Variants in CNOT6 observed in about 807,000 individuals in gnomAD.
CNOT6 encodes the protein CCR4-NOT transcription complex subunit 6.
Under a neutral mutation model 61.2 loss-of-function variants are expected in CNOT6, and 12 were observed. The ratio of observed to expected loss-of-function variants is 0.20; its 90% confidence interval spans 0.13 to 0.32. The LOEUF (loss-of-function observed/expected upper bound fraction) is 0.32, where lower values mean the gene tolerates loss of function less well. Ranked by LOEUF, CNOT6 falls within the 10% of genes least tolerant of loss-of-function variation. The pLI, the probability that CNOT6 is intolerant of heterozygous loss-of-function variation, is 1.00. For synonymous variants in CNOT6, 225 were observed against 240.6 expected, an observed-to-expected ratio of 0.94 and a Z score of 0.60; for missense variants, 405 against 663.9, an observed-to-expected ratio of 0.61 and a Z score of 4.28.
intron 4 of CNOT6, among the ~76,000 whole-genome samples, chr5:180,560,670 A>G (rs943095485): frequency 1.3e-5 from 2 of 152,020 alleles, no homozygotes; most frequent in African/African-American, 2.4e-5. Context: ...TTTAGTTTTC[A>G]GAAGTTTAAT....
intron 2 of CNOT6, among the ~76,000 whole-genome samples, chr5:180,530,485 C>A (rs897922428): frequency 1.3e-5 from 2 of 151,704 alleles, no homozygotes; most frequent in Non-Finnish European, 2.9e-5. Flanking sequence ...GTTGAGTAAA[C>A]TTAAATGCCT....
intron 1 of CNOT6, among the ~76,000 whole-genome samples, chr5:180,525,239 C>A (rs1021038733): frequency 9.2e-5 from 14 of 152,076 alleles, no homozygotes; most frequent in Non-Finnish European, 2.1e-4. Context: ...AAACCCATTT[C>A]TATGTTTGAA....
rs1399323449 is a variant in CNOT6 at position 180,529,515 on chromosome 5, A to C, written c.112+127A>C. 3 of 658,500 alleles carry C rather than the reference A, an allele frequency of 4.6e-6. No individual in the cohort carries two copies. In the East Asian group the frequency reaches 8.5e-5, roughly 19 times the overall value. 40.8% of individuals were successfully genotyped at this position (658,500 alleles called of 1,614,324 possible). A position where few individuals can be genotyped will look rare whatever the true frequency, so the allele number is the denominator to read the frequency against. The stretch of plus-strand genomic sequence containing the variant: ...TACAAATGTAATGTATTTATAAATG[A>C]TTGTATTTTAGTAACTTATCTTAGA... On this transcript the variant is annotated intron_variant, in intron 2 of 11. Coordinates refer to ENST00000261951, the MANE Select transcript of CNOT6 (RefSeq NM_001370472.1).
At chr5:180,573,454 C>T (rs1581579353) in intron 11 of CNOT6, among the ~76,000 whole-genome samples, 2 of 151,828 alleles carry the variant, frequency 1.3e-5, no homozygotes, top group Admixed American at 1.3e-4. Flanking sequence ...TCAGGAAGGT[C>T]TTTGGAAAGC....
At chr5:180,498,519 G>A (rs1186721601) in intron 1 of CNOT6, among the ~76,000 whole-genome samples, 1 of 152,114 alleles carries the variant, frequency 6.6e-6, no homozygotes, top group African/African-American at 2.4e-5. Flanking sequence ...GGTGCACTGA[G>A]GTGTCAAGTG....
Position 180,571,460 on chromosome 5 carries a change from A to G in CNOT6, c.1461+28A>G, listed in dbSNP as rs771688845. 1.9e-6 allele frequency: 3 copies of G among 1,553,222 alleles called. No homozygotes were observed. In the African/African-American group the frequency reaches 4.1e-5, roughly 21 times the overall value. Reference sequence around the variant, plus strand: ...GTGTCTTGAGACTGATAAGCTTTTCAAACCTGTCTTTTACTGGCAGGTGTT... The same window carrying G: ...GTGTCTTGAGACTGATAAGCTTTTCGAACCTGTCTTTTACTGGCAGGTGTT... On this transcript the variant is annotated intron_variant, in intron 11 of 11. Transcript: ENST00000261951.
chr5:180,497,561 G>C (rs1756669864), intron 1 of CNOT6, among the ~76,000 whole-genome samples: 1 of 152,070 alleles, frequency 6.6e-6, no homozygotes, highest in Non-Finnish European at 1.5e-5. Flanking sequence ...CATATGCAAG[G>C]TCCACTGGCT....
At chr5:180,564,874 TAAAA>T in intron 6 of CNOT6, 131 bp downstream of exon 6, 1 of 684,444 alleles carries the variant, frequency 1.5e-6, no homozygotes, top group Non-Finnish European at 2.5e-6. Flanking sequence ...TGGGAGGTAA[TAAAA>T]AAGAATTCTT....
chr5:180,557,638 C>A (rs1353775181), intron 4 of CNOT6, among the ~76,000 whole-genome samples: 3 of 152,040 alleles, frequency 2.0e-5, no homozygotes, highest in Non-Finnish European at 4.4e-5. Flanking sequence ...ATGTGGTTTA[C>A]ACATATTTCT....
chr5:180,531,812 G>A (rs962407636), intron 2 of CNOT6, among the ~76,000 whole-genome samples: 9 of 152,224 alleles, frequency 5.9e-5, no homozygotes, highest in Non-Finnish European at 1.2e-4. Flanking sequence ...GCGAAACCCC[G>A]TCTCCACCAA....
At chr5:180,504,473 A>G (rs2127694776) in intron 1 of CNOT6, among the ~76,000 whole-genome samples, 1 of 151,930 alleles carries the variant, frequency 6.6e-6, no homozygotes, top group African/African-American at 2.4e-5. Flanking sequence ...AGATAGTAGT[A>G]CTTAGAATAT....
rs576708817 is a variant in CNOT6, at chr5:180,567,140, G to T, written c.770G>T (p.Arg257Leu). The T allele has an allele frequency of 6.2e-7, 1 of 1,613,648 alleles. No individual in the cohort carries two copies. Among genetic ancestry groups the T allele is most frequent in the East Asian group, 2.2e-5 (1 of 44,860 alleles). The change falls in exon 8 of 12, where the codon CGT becomes CTT. Residue 257 changes from arginine to leucine, a missense_variant. Arg to Leu is a moderately radical substitution (Grantham distance 102). Around this residue, in one of 5 missense-constraint regions of CNOT6, gnomAD observed 212 missense variants for 307.1 expected, o/e 0.69. Coordinates refer to ENST00000261951, the MANE Select transcript of CNOT6 (RefSeq NM_001370472.1). The part of the protein sequence containing the change: ...YSFFLVELKE[R>L]GYNGFFSPKS... ...TTTTTTCTGGTAGAGCTGAAAGAAC[G>T]TGGCTATAATGGATTCTTCAGTCCT...
chr5:180,550,311 C>A (rs998812082), intron 3 of CNOT6, among the ~76,000 whole-genome samples, 194 bp downstream of exon 3: 1 of 151,886 alleles, frequency 6.6e-6, no homozygotes, highest in Non-Finnish European at 1.5e-5. Flanking sequence ...ATTAGCCAGG[C>A]GTGGTGGCGG....
At chr5:180,522,478 A>T (rs981449164) in intron 1 of CNOT6, among the ~76,000 whole-genome samples, 1 of 152,168 alleles carries the variant, frequency 6.6e-6, no homozygotes, top group Admixed American at 6.5e-5. Context: ...AACTAATTAC[A>T]TTCCCACCAG....
intron 6 of CNOT6, among the ~76,000 whole-genome samples, chr5:180,565,050 A>G (rs1003022041): frequency 1.3e-5 from 2 of 152,242 alleles, no homozygotes; most frequent in African/African-American, 4.8e-5. Flanking sequence ...CGTCTGGTGG[A>G]TGGAGGCCAG....
intron 1 of CNOT6, among the ~76,000 whole-genome samples, chr5:180,518,504 T>TGG (rs893981431): frequency 6.8e-6 from 1 of 147,946 alleles, no homozygotes; most frequent in African/African-American, 2.5e-5. Flanking sequence ...TTTGTGTGTG[T>TGG]GGGGGGGAGG....
rs1359179913 is a variant in CNOT6 at position 180,571,087 on chromosome 5, AT to A, written c.1259-140del. The A allele has an allele frequency of 1.6e-5, 10 of 628,978 alleles. No homozygotes were observed. In the East Asian group the frequency reaches 2.7e-4, roughly 17 times the overall value. The allele number at this position is 628,978 out of a possible 1,614,324, so 39.0% of individuals were successfully genotyped here. A position where few individuals can be genotyped will look rare whatever the true frequency, so the allele number is the denominator to read the frequency against. On this transcript the variant is annotated intron_variant, in intron 10 of 11. Coordinates refer to ENST00000261951, the MANE Select transcript of CNOT6 (RefSeq NM_001370472.1). ...TGTGATGACAACTGTGTAAAAATAGATTTGGGCAAGTCCTGGCAAATGTAAA... is the reference window on the plus strand; with the variant it reads ...TGTGATGACAACTGTGTAAAAATAGATTGGGCAAGTCCTGGCAAATGTAAA...
rs528621913 is a variant in CNOT6, at chr5:180,571,225, T to C, written c.1259-5T>C. The C allele has an allele frequency of 7.1e-5, 114 of 1,605,900 alleles. No individual in the cohort carries two copies. Among genetic ancestry groups the C allele is most frequent in the Non-Finnish European group, 9.1e-5 (107 of 1,174,132 alleles). Reference sequence around the variant, plus strand: ...TGACAATAAAAAAATTTGTCTTCATTGTAGGTGTTGTAGAATATTTGAGCA... The same window carrying C: ...TGACAATAAAAAAATTTGTCTTCATCGTAGGTGTTGTAGAATATTTGAGCA... On this transcript the variant is annotated splice_polypyrimidine_tract_variant and splice_region_variant and intron_variant, in intron 10 of 11. Coordinates refer to ENST00000261951, the MANE Select transcript of CNOT6 (RefSeq NM_001370472.1).
intron 4 of CNOT6, among the ~76,000 whole-genome samples, chr5:180,561,987 G>A (rs1760213290): frequency 6.6e-6 from 1 of 152,230 alleles, no homozygotes; most frequent in African/African-American, 2.4e-5. Flanking sequence ...TTAAGCTTGA[G>A]TACAGTGGTT....
Sources: gnomAD v4.1 joint callset for allele counts (sites outside exome capture counted in the v4.1 genomes callset) on GRCh38, gnomAD v4.1.1 for gene constraint, gnomAD v4.1.1 regional missense constraint, MANE v1.5 for transcripts, NCBI Gene and HGNC (gene_info 2026-07-23, HGNC 2026-07-21) for gene names.